IPO8: variants seen among roughly 807,000 people sequenced by gnomAD.
IPO8 encodes importin-8.
A neutral mutation model predicts 141.2 loss-of-function variants in IPO8; 65 were observed. The ratio of observed to expected loss-of-function variants is 0.46; its 90% confidence interval spans 0.38 to 0.57. The LOEUF (loss-of-function observed/expected upper bound fraction) is 0.57. IPO8 is among the 20% of genes least tolerant of loss of function. The pLI, the probability that IPO8 is intolerant of heterozygous loss-of-function variation, is 0.00. For missense variants in IPO8, 980 were observed against 1,246.8 expected (o/e 0.79, Z 3.22); for synonymous variants, 411 against 420.3 (o/e 0.98, Z 0.27).
intron 8 of IPO8, among the ~76,000 whole-genome samples, chr12:30,673,775 G>A (rs1324760953): frequency 6.6e-6 from 1 of 152,152 alleles, no homozygotes; most frequent in East Asian, 1.9e-4. Context: ...ATTCAGTTCT[G>A]GTGGTGGCTG....
At chr12:30,682,614 A>T (rs577344405) in intron 3 of IPO8, among the ~76,000 whole-genome samples, 125 of 152,276 alleles carry the variant, frequency 8.2e-4, no homozygotes, top group African/African-American at 2.9e-3. Flanking sequence ...AGGGGGAAAA[A>T]TTTCTTTTCT....
At chr12:30,668,720 G>A (rs758110628) in intron 10 of IPO8, among the ~76,000 whole-genome samples, 45 of 152,262 alleles carry the variant, frequency 3.0e-4, no homozygotes, top group Middle Eastern at 3.4e-3. Flanking sequence ...GACACCCAAA[G>A]AATTGGACCA....
In IPO8 at chr12:30,695,029, C is replaced by T. The variant is rs2053324108; in HGVS notation, c.84+535G>A. 6.6e-6 allele frequency: 3 copies of T among 456,190 alleles called. No individual in the cohort carries two copies. The highest frequency in any genetic ancestry group is 1.5e-5 in the South Asian group (1 of 64,552). 28.3% of individuals were successfully genotyped at this position (456,190 alleles called of 1,614,324 possible). On this transcript the variant is annotated intron_variant, in intron 1 of 24. Coordinates refer to ENST00000256079, the MANE Select transcript of IPO8 (RefSeq NM_006390.4). This position sits in a 1 kb window ranked among gnomAD's most constrained non-coding sequence, Gnocchi z 4.2. ...TCACCATGAAAACTGCCTATTCTTC[C>T]CAGAGCACTCTCCCAACAGCACTGC...
intron 2 of IPO8, among the ~76,000 whole-genome samples, chr12:30,689,065 G>C (rs1393271383): frequency 6.6e-6 from 1 of 151,916 alleles, no homozygotes; most frequent in African/African-American, 2.4e-5. Context: ...CACTGACTTG[G>C]AGCAATCTTC....
rs748844862 is a variant in IPO8 at position 30,637,045 on chromosome 12, T to C, written c.2632A>G (p.Thr878Ala). 19 of 1,613,916 alleles carry C rather than the reference T, an allele frequency of 1.2e-5. No individual in the cohort carries two copies. The Middle Eastern group carries it at 1.3e-3, about 112-fold the overall frequency. The part of the protein sequence containing the change: ...LFLGLKQVCA[T>A]RQLVNREDRS... ...TCTTCCCGGTTTACCAGTTGTCTAGTAGCACAGACCTGCTTTAGGCCAAGG... is the reference window on the plus strand; with the variant it reads ...TCTTCCCGGTTTACCAGTTGTCTAGCAGCACAGACCTGCTTTAGGCCAAGG... Residue 878 changes from threonine to alanine, a missense_variant, in exon 22 of 25, where the codon ACT (threonine) becomes GCT (alanine). By Grantham distance (58) the Thr-to-Ala change is moderately conservative (BLOSUM62 0). Around this residue, in one of 3 missense-constraint regions of IPO8, gnomAD observed 924 missense variants for 1,153.9 expected, o/e 0.80. Coordinates refer to ENST00000256079, the MANE Select transcript of IPO8 (RefSeq NM_006390.4).
chr12:30,654,124 T>C (rs894960221), intron 17 of IPO8, among the ~76,000 whole-genome samples: 1 of 151,988 alleles, frequency 6.6e-6, no homozygotes, highest in Non-Finnish European at 1.5e-5. Flanking sequence ...CTTCAATAAA[T>C]GGCACTGGGA....
intron 2 of IPO8, among the ~76,000 whole-genome samples, chr12:30,684,707 T>C (rs2053222803): frequency 6.6e-6 from 1 of 152,224 alleles, no homozygotes; most frequent in Non-Finnish European, 1.5e-5. Flanking sequence ...AGGAAAATTA[T>C]CTAGAAATAA....
At position 30,695,677 on chromosome 12, in the gene IPO8, G is replaced by T; in HGVS notation, c.-30C>A. Reference sequence around the variant, plus strand: ...CCGGGTGGGGGCTCCGCGGCCCCCGGAACAGTAGGCCGGACTGCAGCTTTA... The same window carrying T: ...CCGGGTGGGGGCTCCGCGGCCCCCGTAACAGTAGGCCGGACTGCAGCTTTA... On this transcript the variant is annotated 5_prime_UTR_variant, in exon 1 of 25. Coordinates refer to ENST00000256079, the MANE Select transcript of IPO8 (RefSeq NM_006390.4). The surrounding 1 kb of genome is among the most constrained non-coding windows in gnomAD (Gnocchi z 4.2). 3 of 1,597,472 alleles carry T rather than the reference G, an allele frequency of 1.9e-6. No individual in the cohort carries two copies. Among genetic ancestry groups the T allele is most frequent in the Non-Finnish European group, 2.6e-6 (3 of 1,165,342 alleles).
Position 30,684,400 on chromosome 12 carries a change from G to A in IPO8, c.224C>T (p.Pro75Leu). 6.2e-7 allele frequency: 1 copy of A among 1,614,070 alleles called. No homozygotes were observed. Among genetic ancestry groups the A allele is most frequent in the Non-Finnish European group, 8.5e-7 (1 of 1,179,956 alleles). Reference sequence around the variant, plus strand: ...GTTGAATGGAAATATTGCTTCTCCTGGTGGAGGTTCTCGATCTGGCCAGTA... The same window carrying A: ...GTTGAATGGAAATATTGCTTCTCCTAGTGGAGGTTCTCGATCTGGCCAGTA... ...TQYWPDREPP[P>L]GEAIFPFNIH... The change falls in exon 3 of 25, where the codon CCA (proline) becomes CTA (leucine). Residue 75 changes from proline (P) to leucine (L), a missense_variant. Coordinates refer to ENST00000256079, the MANE Select transcript of IPO8 (RefSeq NM_006390.4).
intron 2 of IPO8, 152 bp from the exon 3 acceptor site, chr12:30,684,609 G>A (rs1162017956): frequency 3.2e-6 from 2 of 634,740 alleles, no homozygotes; most frequent in Non-Finnish European, 5.4e-6. Context: ...AAATCAGGAA[G>A]GGAAAGTGGA....
At chr12:30,693,686 T>C (rs2053311689) in intron 1 of IPO8, among the ~76,000 whole-genome samples, 1 of 152,220 alleles carries the variant, frequency 6.6e-6, no homozygotes, top group South Asian at 2.1e-4. Context: ...TTTTGTTCTA[T>C]TTACAGCCAA....
Position 30,662,359 on chromosome 12 carries a change from C to T in IPO8, c.1723G>A (p.Ala575Thr). 2 of 1,613,820 alleles carry T rather than the reference C, an allele frequency of 1.2e-6. No homozygotes were observed. Among genetic ancestry groups the T allele is most frequent in the South Asian group, 1.1e-5 (1 of 91,044 alleles). The part of the protein sequence containing the change: ...KMICEYSQEV[A>T]SIAVDMTQHL... ...TGGGTCATATCAACAGCAATTGAGGCTACCTCTTGACTGTATTCACATATC... is the reference window on the plus strand; with the variant it reads ...TGGGTCATATCAACAGCAATTGAGGTTACCTCTTGACTGTATTCACATATC... The change falls in exon 15 of 25, where the codon GCC (alanine) becomes ACC (threonine). Residue 575 changes from alanine (A) to threonine (T), a missense_variant. This residue lies in a region of IPO8 where 924 missense variants were observed against 1,153.9 expected (regional missense o/e 0.80). Coordinates refer to ENST00000256079, the MANE Select transcript of IPO8 (RefSeq NM_006390.4).
At chr12:30,641,354 G>A (rs2052571299) in intron 20 of IPO8, among the ~76,000 whole-genome samples, 1 of 152,050 alleles carries the variant, frequency 6.6e-6, no homozygotes, top group African/African-American at 2.4e-5. Flanking sequence ...CTAAAACTAG[G>A]GGAAGAAATG....
At chr12:30,678,495 T>A (rs751709414) in intron 5 of IPO8, among the ~76,000 whole-genome samples, 1 of 152,200 alleles carries the variant, frequency 6.6e-6, no homozygotes, top group African/African-American at 2.4e-5. Flanking sequence ...CCTAGGTATG[T>A]AGTAGGCTAT....
At chr12:30,679,794 T>C (rs1006331421) in intron 5 of IPO8, among the ~76,000 whole-genome samples, 2 of 152,174 alleles carry the variant, frequency 1.3e-5, no homozygotes, top group Non-Finnish European at 2.9e-5. Flanking sequence ...CTAGAAAGCA[T>C]GTAATAGAGT....
intron 1 of IPO8, among the ~76,000 whole-genome samples, chr12:30,693,937 T>C (rs1171795252): frequency 1.3e-5 from 2 of 151,972 alleles, no homozygotes; most frequent in African/African-American, 2.4e-5. Flanking sequence ...GGAAAAAAAA[T>C]AGGATTGGGT....
chr12:30,657,079 G>C (rs1424906328), intron 16 of IPO8, among the ~76,000 whole-genome samples: 1 of 151,320 alleles, frequency 6.6e-6, no homozygotes, highest in Non-Finnish European at 1.5e-5. Flanking sequence ...TCCTGAAAAG[G>C]GAAAGTGACT....
intron 1 of IPO8, among the ~76,000 whole-genome samples, chr12:30,691,811 CA>C (rs1372162810): frequency 3.3e-5 from 5 of 152,318 alleles, no homozygotes; most frequent in African/African-American, 1.2e-4. Flanking sequence ...ACACAACTGG[CA>C]TTTTAAAAAT....
intron 3 of IPO8, 51 bp from the exon 4 acceptor site, chr12:30,681,868 G>A (rs189451510): frequency 1.0e-5 from 15 of 1,444,612 alleles, no homozygotes; most frequent in African/African-American, 1.4e-5. Flanking sequence ...TAAATACTGT[G>A]TTTCAAAGAC....
Sources: allele counts gnomAD v4.1 joint callset (sites outside exome capture counted in the v4.1 genomes callset), GRCh38; gene constraint gnomAD v4.1.1; regional missense constraint gnomAD v4.1.1; non-coding constraint Gnocchi (gnomAD v3.1); transcripts MANE v1.5; gene names NCBI Gene and HGNC (gene_info 2026-07-23, HGNC 2026-07-21).